The following KLK13 variants were observed in gnomAD, a reference collection of about 807,000 sequenced individuals.
KLK13 encodes the protein kallikrein-13.
A neutral mutation model predicts 22.4 loss-of-function variants in KLK13; 19 were observed. That is an observed-to-expected ratio of 0.85 (90% CI 0.59 to 1.24). KLK13 has a LOEUF of 1.24. KLK13 is among the 50% of genes most tolerant of loss of function. The pLI is 0.00. For missense variants in KLK13, 311 were observed against 347.9 expected, an observed-to-expected ratio of 0.89 and a Z score of 0.84; for synonymous variants, 156 against 141.8, an observed-to-expected ratio of 1.10 and a Z score of -0.71.
chr19:51,057,890 C>T (rs773014046), intron 4 of KLK13, among the ~76,000 whole-genome samples: 1 of 152,220 alleles, frequency 6.6e-6, no homozygotes, highest in Non-Finnish European at 1.5e-5. Flanking sequence ...CCACAGTTAA[C>T]TATGTGACTC....
intron 1 of KLK13, chr19:51,063,654 G>C (rs1208974574): frequency 2.2e-6 from 1 of 456,674 alleles, no homozygotes; most frequent in Admixed American, 2.3e-5. Flanking sequence ...GTGGCACTCA[G>C]GAGTGGCACG....
intron 1 of KLK13, chr19:51,064,594 T>C (rs769847454): frequency 1.9e-6 from 1 of 517,088 alleles, no homozygotes; most frequent in Non-Finnish European, 3.8e-6. Flanking sequence ...GCTCGACGCA[T>C]TACCTCGTTT....
At chr19:51,065,368 C>T (rs1170182987), upstream of KLK13, among the ~76,000 whole-genome samples, 1 of 152,050 alleles carries the variant, frequency 6.6e-6, no homozygotes, top group African/African-American at 2.4e-5. Flanking sequence ...GCTGGGTGGT[C>T]GGTGCACTCT....
chr19:51,065,590 C>A (rs2691247), upstream of KLK13, among the ~76,000 whole-genome samples: 9,430 of 152,104 alleles, frequency 0.062, 384 homozygotes, highest in African/African-American at 0.11. Flanking sequence ...TCTTCTCTCC[C>A]CTCCCTGCCC....
intron 1 of KLK13, among the ~76,000 whole-genome samples, chr19:51,063,425 A>G (rs907004884): frequency 1.3e-5 from 2 of 152,236 alleles, no homozygotes; most frequent in African/African-American, 4.8e-5. Flanking sequence ...CAAAAGTTAT[A>G]AAAATGGTTT....
At chr19:51,061,785 A>G (rs980480799) in intron 1 of KLK13, among the ~76,000 whole-genome samples, 7 of 152,224 alleles carry the variant, frequency 4.6e-5, no homozygotes, top group Admixed American at 4.6e-4. Context: ...TCTTTAAAAT[A>G]AAATCCAAAA....
rs760486824 is a variant in KLK13, at chr19:51,059,808, C to T, written c.508+17G>A. 2.5e-6 allele frequency: 4 copies of T among 1,571,056 alleles called. No individual in the cohort carries two copies. The highest frequency in any genetic ancestry group is 2.6e-6 in the Non-Finnish European group (3 of 1,157,970). On this transcript the variant is annotated intron_variant, in intron 3 of 4. Coordinates refer to ENST00000595793, the MANE Select transcript of KLK13 (RefSeq NM_015596.3). ...GCCACTCCTATGGGGCCTCAGGCCA[C>T]CTGTGTGGGTGCATACCCTGGGGGC...
At chr19:51,064,110 A>G (rs1431954039) in intron 1 of KLK13, among the ~76,000 whole-genome samples, 1 of 152,152 alleles carries the variant, frequency 6.6e-6, no homozygotes, top group African/African-American at 2.4e-5. Flanking sequence ...AAGGACTACC[A>G]ATTTGGGGTG....
At chr19:51,058,429 T>C (rs2091695095) in intron 4 of KLK13, 109 bp downstream of exon 4, 3 of 1,311,258 alleles carry the variant, frequency 2.3e-6, no homozygotes, top group South Asian at 2.7e-5. Context: ...TTGTATCTTA[T>C]AAAGATTGGT....
Position 51,059,829 on chromosome 19 carries a change from G to C in KLK13, c.504C>G (p.Pro168=). 7.5e-6 allele frequency: 12 copies of C among 1,600,226 alleles called. No individual in the cohort carries two copies. The highest frequency in any genetic ancestry group is 9.4e-6 in the Non-Finnish European group (11 of 1,172,654). ...GCCACCTGTGTGGGTGCATACCCTG[G>C]GGGCTGGTGGTGGTGCCCCAGCCAG... ...RVSGWGTTTS[P]QVNYPKTLQC... Residue 168 remains proline (P), a synonymous_variant, in exon 3 of 5, where the codon CCC becomes CCG. Coordinates refer to ENST00000595793, the MANE Select transcript of KLK13 (RefSeq NM_015596.3).
chr19:51,064,931 C>A (rs1056677555), intron 1 of KLK13, 85 bp downstream of exon 1: 10 of 1,162,734 alleles, frequency 8.6e-6, no homozygotes, highest in Non-Finnish European at 1.2e-5. Context: ...GAGCTCGCGG[C>A]TCCCACGCCC....
intron 1 of KLK13, 28 bp downstream of exon 1, chr19:51,064,988 C>G (rs976608337): frequency 4.5e-6 from 7 of 1,547,782 alleles, no homozygotes; most frequent in Non-Finnish European, 6.1e-6. Flanking sequence ...CGAATGGCCG[C>G]CGCGCCTCCA....
chr19:51,059,978 G>A lies in KLK13; in HGVS notation c.355C>T (p.Leu119=). The A allele has an allele frequency of 6.2e-7, 1 of 1,613,582 alleles. No homozygotes were observed. ...AGCATGATGTCATGGTCGTGGTTCA[G>A]GTGGGTGGGGCTTCTCCGGTATTCA... ...HPEYRRSPTH[L]NHDHDIMLLE... Residue 119 remains leucine (L), a synonymous_variant, in exon 3 of 5, where the codon CTG becomes TTG. Coordinates refer to ENST00000595793, the MANE Select transcript of KLK13 (RefSeq NM_015596.3).
chr19:51,060,862 A>G (rs1321681573), intron 1 of KLK13, among the ~76,000 whole-genome samples: 1 of 152,184 alleles, frequency 6.6e-6, no homozygotes, highest in Non-Finnish European at 1.5e-5. Flanking sequence ...AGAAGAGTTC[A>G]CAAAATGAGG....
intron 3 of KLK13, chr19:51,059,573 A>G (rs953689435): frequency 7.2e-5 from 15 of 208,290 alleles, no homozygotes; most frequent in Non-Finnish European, 1.1e-4. Flanking sequence ...TACATAATAT[A>G]CATCATATAA....
chr19:51,060,453 A>T lies in KLK13; in HGVS notation c.219T>A (p.Thr73=). The change falls in exon 2 of 5, where the codon ACT becomes ACA. Residue 73 remains threonine, a synonymous_variant. Coordinates refer to ENST00000595793, the MANE Select transcript of KLK13 (RefSeq NM_015596.3). The stretch of plus-strand genomic sequence containing the variant: ...CATACTCCTTTAGACAGTGTGCGGC[A>T]GTGAGGACCCATTTGGGGTGGACCA... ...GVLVHPKWVL[T]AAHCLKEGLK... is the part of the protein sequence containing the mutation. 6.2e-7 allele frequency: 1 copy of T among 1,612,042 alleles called. No homozygotes were observed. Among genetic ancestry groups the T allele is most frequent in the Non-Finnish European group, 8.5e-7 (1 of 1,178,790 alleles).
chr19:51,065,076 GATCGGGA>G lies in KLK13; in HGVS notation c.-16_-10del. The G allele has an allele frequency of 1.2e-6, 1 of 856,986 alleles. No individual in the cohort carries two copies. Among genetic ancestry groups the G allele is most frequent in the Non-Finnish European group, 1.7e-6 (1 of 586,218 alleles). The allele number at this position is 856,986 out of a possible 1,614,324, so 53.1% of individuals were successfully genotyped here. On this transcript the variant is annotated 5_prime_UTR_variant, in exon 1 of 5. Transcript: ENST00000595793. ...AGGGCCAGGGGCCACATGGCTCCGGGATCGGGAGGGGAGGGCAGGGCGGGCGGGGCCT... is the reference window on the plus strand; with the variant it reads ...AGGGCCAGGGGCCACATGGCTCCGGGGGGGAGGGCAGGGCGGGCGGGGCCT...
chr19:51,063,400 A>G (rs1447692936), intron 1 of KLK13, among the ~76,000 whole-genome samples: 1 of 152,212 alleles, frequency 6.6e-6, no homozygotes, highest in African/African-American at 2.4e-5. Flanking sequence ...GCTAACTTTA[A>G]GCAAATGATT....
rs1468945779 is a variant in KLK13, at chr19:51,055,687, C to G, written c.*900G>C. On this transcript the variant is annotated 3_prime_UTR_variant, in exon 5 of 5. Coordinates refer to ENST00000595793, the MANE Select transcript of KLK13 (RefSeq NM_015596.3). The stretch of plus-strand genomic sequence containing the variant: ...GTTACAATTAAAAAAAATTATGAAC[C>G]CATTTTACAGATGAGAAAGCACAGA... 6.6e-6 allele frequency among the ~76,000 whole-genome samples: 1 copy of G among 151,898 alleles called. No individual in the cohort carries two copies. Among genetic ancestry groups the G allele is most frequent in the Non-Finnish European group, 1.5e-5 (1 of 67,968 alleles).
Sources: gnomAD v4.1 joint callset for allele counts (sites outside exome capture counted in the v4.1 genomes callset) on GRCh38, gnomAD v4.1.1 for gene constraint, MANE v1.5 for transcripts, NCBI Gene and HGNC (gene_info 2026-07-23, HGNC 2026-07-21) for gene names.